The following MEP1B variants were observed in gnomAD, a reference collection of about 807,000 sequenced individuals.
MEP1B encodes meprin A subunit beta, also known as N-benzoyl-L-tyrosyl-P-amino-benzoic acid hydrolase subunit beta.
Under a neutral mutation model 84.6 loss-of-function variants are expected in MEP1B, and 80 were observed. That is an observed-to-expected ratio of 0.95 (90% CI 0.79 to 1.14). MEP1B has a LOEUF of 1.14. MEP1B is among the 50% of genes most tolerant of loss of function. The probability of loss-of-function intolerance (pLI) is 0.00; values close to 1 mark genes in which losing one functional copy is unlikely to be tolerated. For missense variants in MEP1B, 766 were observed against 855.1 expected (o/e 0.90, Z 1.30); for synonymous variants, 273 against 288.1 (o/e 0.95, Z 0.53).
chr18:32,194,845 C>A (rs1197672379), intron 4 of MEP1B, among the ~76,000 whole-genome samples: 1 of 151,828 alleles, frequency 6.6e-6, no homozygotes, highest in African/African-American at 2.4e-5. Context: ...TTTACATACT[C>A]TTTCTGTCCT....
At chr18:32,191,251 A>C (rs1490380848) in intron 1 of MEP1B, among the ~76,000 whole-genome samples, 3 of 149,634 alleles carry the variant, frequency 2.0e-5, no homozygotes, top group African/African-American at 7.4e-5. Flanking sequence ...AGTTTCATTG[A>C]CCATTTGTGG....
intron 4 of MEP1B, among the ~76,000 whole-genome samples, chr18:32,194,656 A>C (rs184509253): frequency 6.6e-6 from 1 of 152,262 alleles, no homozygotes; most frequent in Admixed American, 6.5e-5. Context: ...CCACCTTCCC[A>C]GGACCCCTTT....
intron 12 of MEP1B, 133 bp from the exon 13 acceptor site, chr18:32,216,841 CTGGGCAACATTGCAAGA>C: frequency 1.6e-5 from 15 of 916,226 alleles, no homozygotes; most frequent in Non-Finnish European, 2.4e-5. Context: ...AAAGACCAGC[CTGGGCAACATTGCAAGA>C]TCTCACCTCT....
At chr18:32,217,656 C>T in intron 13 of MEP1B, 105 bp from the exon 14 acceptor site, 1 of 902,264 alleles carries the variant, frequency 1.1e-6, no homozygotes, top group South Asian at 1.4e-5. Flanking sequence ...ATAGCAATGA[C>T]CTATTGGTGA....
intron 1 of MEP1B, among the ~76,000 whole-genome samples, chr18:32,191,388 G>C (rs1598884716): frequency 6.6e-6 from 1 of 152,086 alleles, no homozygotes; most frequent in African/African-American, 2.4e-5. Context: ...TGATTAATGA[G>C]TCTTGAATAA....
chr18:32,206,321 G>A (rs2040963932), intron 7 of MEP1B, among the ~76,000 whole-genome samples: 1 of 152,064 alleles, frequency 6.6e-6, no homozygotes, highest in South Asian at 2.1e-4. Flanking sequence ...ATCATTCCCA[G>A]GTTTCATCTC....
rs1451943850 is a variant in MEP1B at position 32,196,513 on chromosome 18, G to C, written c.250+1028G>C. On this transcript the variant is annotated intron_variant, in intron 5 of 14. Coordinates refer to ENST00000269202, the MANE Select transcript of MEP1B (RefSeq NM_005925.3). The surrounding 1 kb of genome is among the most constrained non-coding windows in gnomAD (Gnocchi z 4.4). ...TTGCTCTCATAGACCGAGGTGATGAGGTGGTGGCCAAGGGCCACCTTGAGA... is the reference window on the plus strand; with the variant it reads ...TTGCTCTCATAGACCGAGGTGATGACGTGGTGGCCAAGGGCCACCTTGAGA... 2 of 696,652 alleles carry C rather than the reference G, an allele frequency of 2.9e-6. No homozygotes were observed. Among genetic ancestry groups the C allele is most frequent in the African/African-American group, 3.5e-5 (2 of 57,136 alleles). The allele number at this position is 696,652 out of a possible 1,614,324, so 43.2% of individuals were successfully genotyped here.
chr18:32,199,377 T>G (rs1412790454), intron 5 of MEP1B, among the ~76,000 whole-genome samples: 1 of 152,096 alleles, frequency 6.6e-6, no homozygotes, highest in Admixed American at 6.6e-5. Flanking sequence ...TCAGTGCCAT[T>G]TTTTGGAACT....
intron 10 of MEP1B, among the ~76,000 whole-genome samples, chr18:32,211,712 C>A (rs1421774598): frequency 6.6e-6 from 1 of 152,082 alleles, no homozygotes; most frequent in African/African-American, 2.4e-5. Context: ...CCATGTTGAC[C>A]ACCTATGCAA....
At chr18:32,191,567 G>GA (rs1027515718) in intron 1 of MEP1B, among the ~76,000 whole-genome samples, 1 of 151,872 alleles carries the variant, frequency 6.6e-6, no homozygotes, top group African/African-American at 2.4e-5. Context: ...CCCAATTTTT[G>GA]AAGTTGGTTT....
intron 4 of MEP1B, among the ~76,000 whole-genome samples, chr18:32,194,562 C>T (rs940058206): frequency 2.6e-5 from 4 of 152,014 alleles, no homozygotes; most frequent in Admixed American, 1.3e-4. Context: ...ACTCATCAGG[C>T]TACTGGTCTC....
At chr18:32,214,338 A>T (rs552925362) in intron 11 of MEP1B, among the ~76,000 whole-genome samples, 1 of 152,332 alleles carries the variant, frequency 6.6e-6, no homozygotes, top group South Asian at 2.1e-4. Flanking sequence ...AGTAAAGGAA[A>T]AAATGGAATT....
chr18:32,219,542 T>C (rs781670420), intron 14 of MEP1B, among the ~76,000 whole-genome samples: 2 of 151,980 alleles, frequency 1.3e-5, no homozygotes, highest in Non-Finnish European at 2.9e-5. Context: ...AGTTGGTGCA[T>C]GGAAGGTGGA....
chr18:32,195,584 T>C (rs569234113), intron 5 of MEP1B, 99 bp downstream of exon 5: 31 of 748,720 alleles, frequency 4.1e-5, no homozygotes, highest in Non-Finnish European at 6.5e-5. Context: ...TTTAAGGTTT[T>C]GTTTGGTTTG....
intron 10 of MEP1B, among the ~76,000 whole-genome samples, chr18:32,211,742 A>G (rs2041030201): frequency 6.6e-6 from 1 of 152,140 alleles, no homozygotes; most frequent in Admixed American, 6.6e-5. Context: ...TAAGGGGGTG[A>G]CTGAGAAAGG....
chr18:32,208,119 C>T lies in MEP1B; in HGVS notation c.767C>T (p.Ser256Phe), dbSNP rs2040984652. 2 of 1,612,778 alleles carry T rather than the reference C, an allele frequency of 1.2e-6. No homozygotes were observed. The highest frequency in any genetic ancestry group is 1.7e-6 in the Non-Finnish European group (2 of 1,179,168). ...AATAATTGTTTTTTGCTTTTTGTAG[C>T]CTCTTCCTTGAGTTTTATGGACTCG... ...LLKLNQLYNC[S>F]SSLSFMDSCS... Residue 256 changes from serine to phenylalanine, a missense_variant and splice_region_variant, in exon 9 of 15, where the codon TCC (serine) becomes TTC (phenylalanine). By Grantham distance (155) the Ser-to-Phe change is radical (BLOSUM62 -2). Coordinates refer to ENST00000269202, the MANE Select transcript of MEP1B (RefSeq NM_005925.3).
chr18:32,216,203 G>A (rs781348433), intron 12 of MEP1B, among the ~76,000 whole-genome samples: 6 of 151,978 alleles, frequency 3.9e-5, no homozygotes, highest in Non-Finnish European at 5.9e-5. Context: ...GTGATGAAAG[G>A]TGGTGCAATT....
At position 32,204,189 on chromosome 18, in the gene MEP1B, T is replaced by G. The variant is rs2040940297; in HGVS notation, c.376T>G (p.Ser126Ala). The change falls in exon 7 of 15, where the codon TCT (serine) becomes GCT (alanine). Residue 126 changes from serine to alanine, a missense_variant. Physicochemically the swap from Ser to Ala is moderately conservative, Grantham distance 99. Transcript: ENST00000269202. Reference protein sequence around the residue: ...ISVFKGSGCWSSVGNRRVGKQ... With the variant: ...ISVFKGSGCWASVGNRRVGKQ... Reference sequence around the variant, plus strand: ...TGTAAACTCTCCTGTAAGCTGCTGGTCTTCAGTAGGAAATAGGCGGGTTGG... The same window carrying G: ...TGTAAACTCTCCTGTAAGCTGCTGGGCTTCAGTAGGAAATAGGCGGGTTGG... The G allele has an allele frequency of 6.2e-7, 1 of 1,605,286 alleles. No homozygotes were observed. Among genetic ancestry groups the G allele is most frequent in the Non-Finnish European group, 8.5e-7 (1 of 1,176,044 alleles).
At chr18:32,202,433 G>C (rs2040921206) in intron 5 of MEP1B, among the ~76,000 whole-genome samples, 1 of 152,154 alleles carries the variant, frequency 6.6e-6, no homozygotes, top group African/African-American at 2.4e-5. Context: ...TGCATTTGTA[G>C]ATATGCACAC....
Sources: gnomAD v4.1 joint callset for allele counts (sites outside exome capture counted in the v4.1 genomes callset) on GRCh38, gnomAD v4.1.1 for gene constraint, Gnocchi (gnomAD v3.1) non-coding constraint, MANE v1.5 for transcripts, NCBI Gene and HGNC (gene_info 2026-07-23, HGNC 2026-07-21) for gene names.